MTX1: variants seen among roughly 807,000 people sequenced by gnomAD.
The protein encoded by MTX1 is metaxin-1.
MTX1 carries 20 observed loss-of-function variants against 39.4 expected under a neutral mutation model. The observed-to-expected ratio is 0.51, with a 90% CI of 0.36 to 0.74. The LOEUF (loss-of-function observed/expected upper bound fraction) is 0.74. Ranked by LOEUF, MTX1 falls within the 30% of genes least tolerant of loss-of-function variation. The pLI, the probability that MTX1 is intolerant of heterozygous loss-of-function variation, is 0.00. For synonymous variants in MTX1, 209 were observed against 198.6 expected, an observed-to-expected ratio of 1.05 and a Z score of -0.44; for missense variants, 481 against 485.9, an observed-to-expected ratio of 0.99 and a Z score of 0.10.
chr1:155,209,169 G>A lies in MTX1; in HGVS notation c.365G>A (p.Gly122Glu). 1 of 1,493,338 alleles carries A rather than the reference G, an allele frequency of 6.7e-7. No homozygotes were observed. The highest frequency in any genetic ancestry group is 8.9e-7 in the Non-Finnish European group (1 of 1,119,358). The allele number at this position is 1,493,338 out of a possible 1,614,324, so 92.5% of individuals were successfully genotyped here. A position where few individuals can be genotyped will look rare whatever the true frequency, so the allele number is the denominator to read the frequency against. The part of the protein sequence containing the change: ...ISPGPLTATI[G>E]GAVAGGGPRQ... ...CCAGGCCCCCTGACCGCAACGATCGGAGGGGCGGTGGCGGGGGGCGGGCCC... is the reference window on the plus strand; with the variant it reads ...CCAGGCCCCCTGACCGCAACGATCGAAGGGGCGGTGGCGGGGGGCGGGCCC... The change falls in exon 1 of 8, where the codon GGA (glycine) becomes GAA (glutamate). Residue 122 changes from glycine to glutamate, a missense_variant. By Grantham distance (98) the Gly-to-Glu change is moderately conservative. This residue lies in a region of MTX1 where 368 missense variants were observed against 332.8 expected (regional missense o/e 1.11). Coordinates refer to ENST00000368376, the MANE Select transcript of MTX1 (RefSeq NM_002455.5).
rs199532690 is a variant in MTX1 at position 155,213,787 on chromosome 1, G to A, written c.*89G>A. The A allele has an allele frequency of 0.023, 375 of 16,330 alleles. 37 individuals carry two copies. Among genetic ancestry groups the A allele is most frequent in the East Asian group, 0.19 (252 of 1,310 alleles). The allele number at this position is 16,330 out of a possible 1,614,324, so 1.0% of individuals were successfully genotyped here. ...CCTCGTTGTTGGTACAGCCGGACAC[G>A]GGGTGCTGCCACCCAGAATAAAGCC... is the stretch of plus-strand genomic sequence containing the variant. On this transcript the variant is annotated 3_prime_UTR_variant, in exon 8 of 8. Coordinates refer to ENST00000368376, the MANE Select transcript of MTX1 (RefSeq NM_002455.5).
intron 3 of MTX1, 81 bp from the exon 4 acceptor site, chr1:155,212,046 G>A (rs930112650): frequency 1.2e-5 from 15 of 1,249,918 alleles, no homozygotes; most frequent in Non-Finnish European, 1.6e-5. Flanking sequence ...AGTGAGGGGG[G>A]TACCAGACAG....
rs1329799381 is a variant in MTX1, at chr1:155,210,516, G to T, written c.599-32G>T. 14 of 1,611,454 alleles carry T rather than the reference G, an allele frequency of 8.7e-6. No homozygotes were observed. In the East Asian group the frequency reaches 2.2e-4, roughly 26 times the overall value. ...ACTATGTATGACTAGGCAGCTAAGG[G>T]TCTGGTTGGTATACTTCCCTCTCAA... On this transcript the variant is annotated intron_variant, in intron 2 of 7. Coordinates refer to ENST00000368376, the MANE Select transcript of MTX1 (RefSeq NM_002455.5).
intron 6 of MTX1, 123 bp downstream of exon 6, chr1:155,212,893 G>C (rs1191498000): frequency 1.1e-5 from 14 of 1,327,874 alleles, no homozygotes; most frequent in East Asian, 4.2e-5. Context: ...CCCTGGGATA[G>C]AAACTGGCCC....
chr1:155,209,975 A>C (rs113787706), intron 1 of MTX1, among the ~76,000 whole-genome samples: 2,136 of 152,354 alleles, frequency 0.014, 28 homozygotes, highest in Non-Finnish European at 0.022. Context: ...AAATATTCAC[A>C]TATAAGTTAA....
rs964660155 is a variant in MTX1, at chr1:155,209,068, C to G, written c.264C>G (p.Pro88=). ...GGATGGGCCGGCGGCCGCCCTCCCC[C>G]GAGGCCCGCGGCCCAGTCCCCCGCA... The part of the protein sequence containing the change: ...HLWMGRRPPS[P]EARGPVPRSS... Residue 88 remains proline, a synonymous_variant, in exon 1 of 8, where the codon CCC becomes CCG. Coordinates refer to ENST00000368376, the MANE Select transcript of MTX1 (RefSeq NM_002455.5). The G allele has an allele frequency of 2.6e-6, 4 of 1,538,598 alleles. No individual in the cohort carries two copies. The highest frequency in any genetic ancestry group is 3.5e-6 in the Non-Finnish European group (4 of 1,141,466).
chr1:155,213,010 G>C (rs569345033), intron 6 of MTX1, among the ~76,000 whole-genome samples: 2 of 152,116 alleles, frequency 1.3e-5, no homozygotes, highest in African/African-American at 2.4e-5. Context: ...GTGGGGCACT[G>C]AATGTGCCCT....
chr1:155,209,107 T>C lies in MTX1; in HGVS notation c.303T>C (p.Ser101=), dbSNP rs1251719909. The change falls in exon 1 of 8, where the codon AGT becomes AGC. Residue 101 remains serine, a synonymous_variant. Transcript: ENST00000368376. ...RGPVPRSSAA[S]RARRSLASPG... is the part of the protein sequence containing the mutation. ...CAGTCCCCCGCAGTTCAGCTGCCAG[T>C]CGGGCCAGAAGAAGCCTCGCCTCCC... 1.3e-6 allele frequency: 2 copies of C among 1,543,214 alleles called. No homozygotes were observed. The highest frequency in any genetic ancestry group is 2.8e-5 in the African/African-American group (2 of 72,650).
intron 1 of MTX1, 30 bp from the exon 2 acceptor site, chr1:155,210,316 C>A (rs755475061): frequency 6.3e-7 from 1 of 1,597,484 alleles, no homozygotes; most frequent in South Asian, 1.1e-5. Flanking sequence ...CATGGCTCTG[C>A]CTCTCTGACT....
chr1:155,210,476 C>T lies in MTX1; in HGVS notation c.598+61C>T, dbSNP rs529284730. 3.7e-6 allele frequency: 6 copies of T among 1,605,054 alleles called. No homozygotes were observed. In the African/African-American group the frequency reaches 6.7e-5, roughly 18 times the overall value. ...TACAAGGGGAGAAGCAAGAAATAGG[C>T]AGGAATGTGTTGCAACTATGTATGA... is the stretch of plus-strand genomic sequence containing the variant. On this transcript the variant is annotated intron_variant, in intron 2 of 7. Transcript: ENST00000368376.
At chr1:155,209,408 C>T (rs916615843) in intron 1 of MTX1, 76 bp downstream of exon 1, 1 of 1,332,176 alleles carries the variant, frequency 7.5e-7, no homozygotes, top group African/African-American at 1.5e-5. Context: ...GCATCCAAAC[C>T]TTGCCAGGGC....
intron 3 of MTX1, 132 bp downstream of exon 3, chr1:155,210,759 T>G (rs1671105926): frequency 2.5e-6 from 2 of 816,264 alleles, no homozygotes; most frequent in Non-Finnish European, 4.1e-6. Flanking sequence ...GCAACAGTCT[T>G]GTGGCAGAGA....
intron 1 of MTX1, among the ~76,000 whole-genome samples, chr1:155,209,558 G>A (rs1033330752): frequency 3.3e-5 from 5 of 152,252 alleles, no homozygotes; most frequent in Non-Finnish European, 2.9e-5. Context: ...CAGGTGATGG[G>A]TTCTAGTCCT....
intron 1 of MTX1, 141 bp downstream of exon 1, chr1:155,209,473 C>A: frequency 1.1e-6 from 1 of 950,062 alleles, no homozygotes; most frequent in South Asian, 3.1e-5. Context: ...CGTACGTGGC[C>A]GATATGGCCT....
chr1:155,209,782 G>A (rs781782257), intron 1 of MTX1, among the ~76,000 whole-genome samples: 17 of 152,226 alleles, frequency 1.1e-4, no homozygotes, highest in Non-Finnish European at 2.4e-4. Flanking sequence ...TCACAGCCAG[G>A]CTTTGTATAA....
intron 1 of MTX1, 52 bp from the exon 2 acceptor site, chr1:155,210,294 C>A (rs1671067471): frequency 6.8e-7 from 1 of 1,460,380 alleles, no homozygotes. Context: ...TTCTTGATAC[C>A]ACTGTGGGGG....
intron 2 of MTX1, 60 bp from the exon 3 acceptor site, chr1:155,210,488 G>A: frequency 6.2e-7 from 1 of 1,606,648 alleles, no homozygotes; most frequent in Non-Finnish European, 8.5e-7. Flanking sequence ...GGAATGTGTT[G>A]CAACTATGTA....
Position 155,208,920 on chromosome 1 carries a change from C to A in MTX1, c.116C>A (p.Thr39Lys). 2 of 1,611,376 alleles carry A rather than the reference C, an allele frequency of 1.2e-6. No homozygotes were observed. Among genetic ancestry groups the A allele is most frequent in the Non-Finnish European group, 1.7e-6 (2 of 1,179,610 alleles). Residue 39 changes from threonine (T) to lysine (K), a missense_variant, in exon 1 of 8, where the codon ACA becomes AAA. Thr to Lys is a moderately conservative substitution (Grantham distance 78). Around this residue, in one of 2 missense-constraint regions of MTX1, gnomAD observed 368 missense variants for 332.8 expected, o/e 1.11. Coordinates refer to ENST00000368376, the MANE Select transcript of MTX1 (RefSeq NM_002455.5). ...AGCCCCCAGACCTGGCCCAGGCGCA[C>A]AAGACCCCGCTCTCCAGAGCCTGCC... Reference protein sequence around the residue: ...GKSPQTWPRRTRPRSPEPAAP... With the variant: ...GKSPQTWPRRKRPRSPEPAAP...
Position 155,208,778 on chromosome 1 carries a change from C to A in MTX1, c.-27C>A. 6.7e-7 allele frequency: 1 copy of A among 1,487,440 alleles called. No homozygotes were observed. Among genetic ancestry groups the A allele is most frequent in the Non-Finnish European group, 9.0e-7 (1 of 1,116,442 alleles). 92.1% of individuals were successfully genotyped at this position (1,487,440 alleles called of 1,614,324 possible). On this transcript the variant is annotated 5_prime_UTR_variant, in exon 1 of 8. Transcript: ENST00000368376. ...ATGGCGACAGGCGGCGCAGGGCCCG[C>A]TCCAAACATAACGCGCTGTGGAAAA...
Sources: gnomAD v4.1 joint callset for allele counts (sites outside exome capture counted in the v4.1 genomes callset) on GRCh38, gnomAD v4.1.1 for gene constraint, gnomAD v4.1.1 regional missense constraint, MANE v1.5 for transcripts, NCBI Gene and HGNC (gene_info 2026-07-23, HGNC 2026-07-21) for gene names.